Variants in CERKL observed in about 807,000 individuals in gnomAD.
CERKL encodes ceramide kinase-like protein.
CERKL carries 61 observed loss-of-function variants against 63.4 expected under a neutral mutation model. The ratio of observed to expected loss-of-function variants is 0.96; its 90% confidence interval spans 0.78 to 1.19. CERKL has a LOEUF of 1.19. Among genes scored for constraint, CERKL ranks in the 50% most tolerant of loss-of-function variants. CERKL has a pLI of 0.00. For synonymous variants in CERKL, 250 were observed against 230.5 expected (o/e 1.08, Z -0.77); for missense variants, 675 against 655.5 (o/e 1.03, Z -0.33).
intron 10 of CERKL, among the ~76,000 whole-genome samples, chr2:181,545,082 C>G (rs372468555): frequency 6.6e-6 from 1 of 152,074 alleles, no homozygotes; most frequent in Non-Finnish European, 1.5e-5. Context: ...ACTCACATAT[C>G]AAGACATAAT....
intron 5 of CERKL, among the ~76,000 whole-genome samples, chr2:181,549,975 T>A (rs556204810): frequency 6.6e-6 from 1 of 152,302 alleles, no homozygotes; most frequent in East Asian, 1.9e-4. Context: ...GCTTTTTTGA[T>A]CACGAATGTC....
At chr2:181,588,019 G>A (rs1249218635) in intron 2 of CERKL, among the ~76,000 whole-genome samples, 1 of 152,080 alleles carries the variant, frequency 6.6e-6, no homozygotes, top group Admixed American at 6.6e-5. Flanking sequence ...TATTTATCAT[G>A]TACATCATGT....
chr2:181,623,502 G>A (rs999329140), intron 1 of CERKL, among the ~76,000 whole-genome samples: 2 of 152,160 alleles, frequency 1.3e-5, no homozygotes, highest in Admixed American at 6.6e-5. Flanking sequence ...ACTGGCCACT[G>A]TCTTCTAAAT....
intron 1 of CERKL, among the ~76,000 whole-genome samples, chr2:181,650,435 T>C (rs1159476369): frequency 2.0e-5 from 3 of 152,126 alleles, no homozygotes; most frequent in Admixed American, 2.0e-4. Context: ...AACAGCCTAA[T>C]GATGAACCTC....
rs2105804184 is a variant in CERKL at position 181,548,859 on chromosome 2, T to A, written c.896-2A>T. 1.9e-6 allele frequency: 3 copies of A among 1,612,976 alleles called. No homozygotes were observed. The highest frequency in any genetic ancestry group is 2.5e-6 in the Non-Finnish European group (3 of 1,179,090). The stretch of plus-strand genomic sequence containing the variant: ...AGACGTCGACCAGCTGTACATGCCC[T>A]TGAATATTACATTAAATATTAATCA... On this transcript the variant is annotated splice_acceptor_variant, in intron 6 of 12. Transcript: ENST00000410087. LOFTEE classifies it high-confidence loss of function.
intron 2 of CERKL, among the ~76,000 whole-genome samples, chr2:181,585,154 T>C (rs1032344662): frequency 5.3e-5 from 8 of 152,092 alleles, no homozygotes; most frequent in African/African-American, 1.7e-4. Flanking sequence ...CTTGACATAA[T>C]AGAAATACAT....
chr2:181,554,577 CAG>C (rs1688127549), intron 5 of CERKL, among the ~76,000 whole-genome samples: 1 of 151,996 alleles, frequency 6.6e-6, no homozygotes. Flanking sequence ...CCCTTTTAAT[CAG>C]AGTCTCTCAG....
At chr2:181,566,799 C>T (rs527903521) in intron 3 of CERKL, among the ~76,000 whole-genome samples, 15 of 152,222 alleles carry the variant, frequency 9.9e-5, no homozygotes, top group Non-Finnish European at 1.3e-4. Flanking sequence ...ACAGGATAAA[C>T]GGGCACACTG....
Position 181,537,427 on chromosome 2 carries a change from T to C in CERKL, c.*757A>G, listed in dbSNP as rs560096841. On this transcript the variant is annotated 3_prime_UTR_variant, in exon 13 of 13. Coordinates refer to ENST00000410087, the MANE Select transcript of CERKL (RefSeq NM_201548.5). ...AAAATAGTATTTGTTATCAACTTAC[T>C]TTGTTACTTGTATCATGAATTTTAA... 2 of 453,976 alleles carry C rather than the reference T, an allele frequency of 4.4e-6. No individual in the cohort carries two copies. The highest frequency in any genetic ancestry group is 4.0e-5 in the African/African-American group (2 of 50,116). 28.1% of individuals were successfully genotyped at this position (453,976 alleles called of 1,614,324 possible).
chr2:181,642,215 T>A (rs1405993257), intron 1 of CERKL, among the ~76,000 whole-genome samples: 1 of 152,202 alleles, frequency 6.6e-6, no homozygotes, highest in South Asian at 2.1e-4. Flanking sequence ...ATAATTCACA[T>A]GAGTAATAGG....
At chr2:181,633,804 TCA>T (rs1454219537) in intron 1 of CERKL, among the ~76,000 whole-genome samples, 1 of 152,180 alleles carries the variant, frequency 6.6e-6, no homozygotes, top group East Asian at 1.9e-4. Context: ...AGTAAAGATT[TCA>T]CAGTTTTGTA....
chr2:181,623,311 T>A (rs1686537015), intron 1 of CERKL, among the ~76,000 whole-genome samples: 1 of 152,132 alleles, frequency 6.6e-6, no homozygotes, highest in African/African-American at 2.4e-5. Flanking sequence ...GCCAAATCAA[T>A]AATAGATCAA....
intron 2 of CERKL, among the ~76,000 whole-genome samples, chr2:181,591,479 A>G (rs1278724915): frequency 1.3e-5 from 2 of 152,184 alleles, no homozygotes; most frequent in East Asian, 3.8e-4. Flanking sequence ...TAACCCAAAT[A>G]ATTTTTGAAC....
At chr2:181,618,324 A>T (rs551359302) in intron 1 of CERKL, among the ~76,000 whole-genome samples, 1 of 151,506 alleles carries the variant, frequency 6.6e-6, no homozygotes, top group African/African-American at 2.4e-5. Flanking sequence ...GAAGAGTGGT[A>T]CTGCTTTTTT....
intron 1 of CERKL, among the ~76,000 whole-genome samples, chr2:181,654,279 G>C (rs189369977): frequency 2.0e-5 from 3 of 151,946 alleles, no homozygotes; most frequent in East Asian, 3.9e-4. Flanking sequence ...ATTATTCCAG[G>C]TCATCCCTGA....
Position 181,548,529 on chromosome 2 carries a change from T to C in CERKL, c.1133+16A>G, listed in dbSNP as rs180705205. 4.3e-4 allele frequency: 678 copies of C among 1,559,396 alleles called. 2 individuals carry two copies. Among genetic ancestry groups the C allele is most frequent in the South Asian group, 6.0e-4 (54 of 89,362 alleles). On this transcript the variant is annotated intron_variant, in intron 8 of 12. Transcript: ENST00000410087. ...AAAGATACAGGTTATCTGTATTACA[T>C]TGAGTTTTTACCTACCTTTCTTGCA...
At position 181,603,694 on chromosome 2, in the gene CERKL, C is replaced by T. The variant is rs186051150; in HGVS notation, c.481+143G>A. 5.0e-5 allele frequency: 43 copies of T among 866,510 alleles called. No homozygotes were observed. In the African/African-American group the frequency reaches 6.3e-4, roughly 13 times the overall value. 53.7% of individuals were successfully genotyped at this position (866,510 alleles called of 1,614,324 possible). A position where few individuals can be genotyped will look rare whatever the true frequency, so the allele number is the denominator to read the frequency against. On this transcript the variant is annotated intron_variant, in intron 2 of 12. Coordinates refer to ENST00000410087, the MANE Select transcript of CERKL (RefSeq NM_201548.5). ...TGTAGAAAAAGTATTTAGCAAATTTCAACACTTTCTCACGACAAAAACTAG... is the reference window on the plus strand; with the variant it reads ...TGTAGAAAAAGTATTTAGCAAATTTTAACACTTTCTCACGACAAAAACTAG...
At chr2:181,578,904 G>C (rs1361915918) in intron 2 of CERKL, among the ~76,000 whole-genome samples, 1 of 151,936 alleles carries the variant, frequency 6.6e-6, no homozygotes, top group Non-Finnish European at 1.5e-5. Context: ...TCTATTTGAT[G>C]CAAAATGGAC....
chr2:181,603,627 A>G, intron 2 of CERKL: 1 of 612,834 alleles, frequency 1.6e-6, no homozygotes, highest in Non-Finnish European at 3.0e-6. Context: ...ATAAGATACC[A>G]CATTAACAGG....
Sources: gnomAD v4.1 joint callset for allele counts (sites outside exome capture counted in the v4.1 genomes callset) on GRCh38, gnomAD v4.1.1 for gene constraint, MANE v1.5 for transcripts, NCBI Gene and HGNC (gene_info 2026-07-23, HGNC 2026-07-21) for gene names.